CD48: variants seen among roughly 807,000 people sequenced by gnomAD.
CD48 encodes CD48 antigen.
In CD48, 20 loss-of-function variants were observed where a neutral mutation model predicts 22.0. The ratio of observed to expected loss-of-function variants is 0.91; its 90% CI spans 0.64 to 1.32. The LOEUF (loss-of-function observed/expected upper bound fraction) is 1.32, where lower values mean the gene tolerates loss of function less well. CD48 is among the 40% of genes most tolerant of loss of function. The pLI, the probability that CD48 is intolerant of heterozygous loss-of-function variation, is 0.00. For missense variants in CD48, 307 were observed against 286.5 expected, an observed-to-expected ratio of 1.07 and a Z score of -0.52; for synonymous variants, 110 against 110.1, an observed-to-expected ratio of 1.00 and a Z score of 0.01.
intron 3 of CD48, chr1:160,680,518 C>G (rs1281187533): frequency 5.3e-6 from 5 of 946,072 alleles, no homozygotes; most frequent in African/African-American, 1.8e-5. Context: ...AGAAGTGACC[C>G]CAGGTATGAC....
intron 2 of CD48, 35 bp from the exon 3 acceptor site, chr1:160,681,503 T>G (rs1341993656): frequency 3.1e-6 from 5 of 1,603,778 alleles, no homozygotes; most frequent in Non-Finnish European, 4.3e-6. Context: ...GATGAGACAG[T>G]GAGGCATTCA....
chr1:160,711,533 A>G (rs770834806), intron 1 of CD48, 149 bp downstream of exon 1: 5 of 630,516 alleles, frequency 7.9e-6, no homozygotes, highest in African/African-American at 1.8e-5. Flanking sequence ...AGGCTCCCCA[A>G]CCATGCCATG....
At chr1:160,697,022 A>G (rs2102424167) in intron 1 of CD48, among the ~76,000 whole-genome samples, 1 of 152,134 alleles carries the variant, frequency 6.6e-6, no homozygotes, top group South Asian at 2.1e-4. Flanking sequence ...TAAGGAGTGT[A>G]CCACTCCTCA....
chr1:160,688,055 T>C (rs1662066101), intron 1 of CD48, among the ~76,000 whole-genome samples: 1 of 152,254 alleles, frequency 6.6e-6, no homozygotes, highest in Non-Finnish European at 1.5e-5. Context: ...TGTTTGAGAC[T>C]CACTACCTGA....
At position 160,681,301 on chromosome 1, in the gene CD48, G is replaced by C; in HGVS notation, c.553C>G (p.Leu185Val). The stretch of plus-strand genomic sequence containing the variant: ...CACCTGGAGTAATTATGTGGCATAA[G>C]GGTGGTTTCAAGCACACTGTTCTGG... ...ELQNSVLETT[L>V]MPHNYSRCYT... Residue 185 changes from leucine (L) to valine (V), a missense_variant, in exon 3 of 4, where the codon CTT becomes GTT. Transcript: ENST00000368046. The C allele has an allele frequency of 6.2e-7, 1 of 1,614,164 alleles. No homozygotes were observed. Among genetic ancestry groups the C allele is most frequent in the Non-Finnish European group, 8.5e-7 (1 of 1,179,984 alleles).
chr1:160,690,986 G>A (rs1041586152), intron 1 of CD48, among the ~76,000 whole-genome samples: 3 of 152,216 alleles, frequency 2.0e-5, no homozygotes, highest in Admixed American at 1.3e-4. Flanking sequence ...GGCGGTGCAA[G>A]ATGTGCTTTG....
intron 2 of CD48, 158 bp downstream of exon 2, chr1:160,684,729 C>T: frequency 1.3e-6 from 2 of 1,574,918 alleles, no homozygotes; most frequent in Non-Finnish European, 1.7e-6. Context: ...CCTAGGCTCA[C>T]TCCCAAATAG....
chr1:160,679,099 A>G lies in CD48; in HGVS notation c.685T>C (p.Trp229Arg), dbSNP rs368489764. Residue 229 changes from tryptophan to arginine, a missense_variant, in exon 4 of 4, where the codon TGG becomes CGG. Transcript: ENST00000368046. ...ATGGTGGGCACCGTGACCACTAGCC[A>G]ACTTGCAATCCATTCTACTCCAAAG... The part of the protein sequence containing the change: ...RSFGVEWIAS[W>R]LVVTVPTILG... 18 of 1,614,162 alleles carry G rather than the reference A, an allele frequency of 1.1e-5. No individual in the cohort carries two copies. Among genetic ancestry groups the G allele is most frequent in the Non-Finnish European group, 1.4e-5 (17 of 1,180,020 alleles).
Position 160,711,780 on chromosome 1 carries a change from T to TC in CD48, c.-18dup. ...GGAGCACATGCTTCCTTCCAGAACT[T>TC]CCCAGCAACGCAGGAGACAGTTGAG... On this transcript the variant is annotated 5_prime_UTR_variant, in exon 1 of 4. Coordinates refer to ENST00000368046, the MANE Select transcript of CD48 (RefSeq NM_001778.4). 1 of 1,600,122 alleles carries TC rather than the reference T, an allele frequency of 6.2e-7. No individual in the cohort carries two copies. The highest frequency in any genetic ancestry group is 8.6e-7 in the Non-Finnish European group (1 of 1,169,178).
intron 3 of CD48, 46 bp downstream of exon 3, chr1:160,681,156 C>G (rs773539379): frequency 6.2e-7 from 1 of 1,613,932 alleles, no homozygotes; most frequent in Non-Finnish European, 8.5e-7. Context: ...TTCAAAACAA[C>G]TCCAGTTACC....
intron 3 of CD48, among the ~76,000 whole-genome samples, chr1:160,680,096 C>G (rs1245972525): frequency 2.0e-5 from 3 of 152,112 alleles, no homozygotes; most frequent in Admixed American, 1.3e-4. Flanking sequence ...GTAGACAGAG[C>G]CCAGGAAGAC....
At chr1:160,711,636 C>G in intron 1 of CD48, 46 bp downstream of exon 1, 1 of 1,413,630 alleles carries the variant, frequency 7.1e-7, no homozygotes, top group South Asian at 1.1e-5. Flanking sequence ...CCCAACTGAC[C>G]ATGCCTTCAG....
chr1:160,691,847 A>G (rs973882016), intron 1 of CD48: 8 of 360,706 alleles, frequency 2.2e-5, no homozygotes, highest in Non-Finnish European at 2.5e-5. Context: ...GAGTACATCT[A>G]CAGTCAGCCT....
intron 1 of CD48, among the ~76,000 whole-genome samples, chr1:160,703,316 A>G (rs1662690471): frequency 3.9e-5 from 6 of 152,210 alleles, no homozygotes. Context: ...CCATCTTAAC[A>G]TAAGGAGAAG....
chr1:160,681,764 C>T (rs577230638), intron 2 of CD48, among the ~76,000 whole-genome samples: 2 of 152,294 alleles, frequency 1.3e-5, no homozygotes, highest in African/African-American at 4.8e-5. Flanking sequence ...TGAGCCTGAA[C>T]GAACAGCCCA....
chr1:160,681,704 GCCACAGTCCAT>G (rs1216779059), intron 2 of CD48, among the ~76,000 whole-genome samples: 6 of 152,128 alleles, frequency 3.9e-5, no homozygotes, highest in African/African-American at 1.4e-4. Flanking sequence ...TGGAGGGGGC[GCCACAGTCCAT>G]CATATGCTCT....
At chr1:160,700,850 G>C (rs575346621) in intron 1 of CD48, among the ~76,000 whole-genome samples, 2 of 152,248 alleles carry the variant, frequency 1.3e-5, no homozygotes, top group African/African-American at 2.4e-5. Flanking sequence ...CCTAAATATT[G>C]AACAGGAGTG....
At chr1:160,682,007 C>T (rs1661823919) in intron 2 of CD48, among the ~76,000 whole-genome samples, 1 of 152,204 alleles carries the variant, frequency 6.6e-6, no homozygotes, top group African/African-American at 2.4e-5. Flanking sequence ...CAGAGAAGAA[C>T]TTCATGTAAC....
Position 160,679,118 on chromosome 1 carries a change from T to G in CD48, c.666A>C (p.Gly222=). ...CTAGCCAACTTGCAATCCATTCTAC[T>G]CCAAAGGACCGGGCTGAAAGAGCAA... ...SPPCTLARSF[G]VEWIASWLVV... Residue 222 remains glycine, a synonymous_variant, in exon 4 of 4, where the codon GGA becomes GGC. Transcript: ENST00000368046. 6.2e-7 allele frequency: 1 copy of G among 1,614,108 alleles called. No homozygotes were observed. Among genetic ancestry groups the G allele is most frequent in the Non-Finnish European group, 8.5e-7 (1 of 1,179,958 alleles).
Sources: gnomAD v4.1 joint callset for allele counts (sites outside exome capture counted in the v4.1 genomes callset) on GRCh38, gnomAD v4.1.1 for gene constraint, MANE v1.5 for transcripts, NCBI Gene and HGNC (gene_info 2026-07-23, HGNC 2026-07-21) for gene names.